The following ATP10B variants were observed in gnomAD, a reference collection of about 807,000 sequenced individuals.
The protein encoded by ATP10B is ATPase phospholipid transporting 10B (putative).
ATP10B carries 122 observed loss-of-function variants against 141.2 expected under a neutral mutation model. The observed-to-expected ratio is 0.86, with a 90% CI of 0.75 to 1.00. The LOEUF is 1.00. Among genes scored for constraint, ATP10B ranks in the 50% least tolerant of loss-of-function variants. The probability of loss-of-function intolerance (pLI) is 0.00; values close to 1 mark genes in which losing one functional copy is unlikely to be tolerated. For synonymous variants in ATP10B, 685 were observed against 692.0 expected, an observed-to-expected ratio of 0.99 and a Z score of 0.16; for missense variants, 1,876 against 1,825.3, an observed-to-expected ratio of 1.03 and a Z score of -0.51.
chr5:160,689,561 A>G (rs113067993), intron 3 of ATP10B, among the ~76,000 whole-genome samples: 331 of 152,270 alleles, frequency 2.2e-3, no homozygotes, highest in Non-Finnish European at 3.9e-3. Flanking sequence ...CAAAAATCAC[A>G]AGCATTCCTA....
At chr5:160,815,393 G>T (rs1434587722) in intron 1 of ATP10B, among the ~76,000 whole-genome samples, 1 of 152,172 alleles carries the variant, frequency 6.6e-6, no homozygotes, top group Non-Finnish European at 1.5e-5. Flanking sequence ...AGAAAAAGAA[G>T]CCCATTACAT....
the ATP10B span, among the ~76,000 whole-genome samples, chr5:160,892,229 G>T: frequency 6.6e-6 from 1 of 152,140 alleles, no homozygotes; most frequent in South Asian, 2.1e-4. Context: ...GGATTCACGT[G>T]ATCTGGCTCC....
At chr5:160,605,306 T>C (rs1757318797) in intron 19 of ATP10B, among the ~76,000 whole-genome samples, 1 of 152,250 alleles carries the variant, frequency 6.6e-6, no homozygotes, top group African/African-American at 2.4e-5. Context: ...AGTTTTGCCA[T>C]AAGTAGCCTT....
chr5:160,692,073 A>G (rs569171771), intron 3 of ATP10B, among the ~76,000 whole-genome samples: 1 of 152,334 alleles, frequency 6.6e-6, no homozygotes, highest in African/African-American at 2.4e-5. Context: ...ATTAGGTGGT[A>G]AGATCTTCTT....
intron 13 of ATP10B, among the ~76,000 whole-genome samples, chr5:160,631,565 T>C (rs1379380560): frequency 6.6e-6 from 1 of 152,268 alleles, no homozygotes; most frequent in Admixed American, 6.5e-5. Flanking sequence ...AAACTTATTT[T>C]TGATCACCAA....
the ATP10B span, among the ~76,000 whole-genome samples, chr5:160,926,523 G>A: frequency 6.6e-6 from 1 of 152,206 alleles, no homozygotes; most frequent in South Asian, 2.1e-4. Context: ...GCCAACCTGA[G>A]GATCAGATAT....
chr5:160,765,349 C>T (rs1292075223), intron 2 of ATP10B, among the ~76,000 whole-genome samples: 1 of 152,110 alleles, frequency 6.6e-6, no homozygotes, highest in Non-Finnish European at 1.5e-5. Flanking sequence ...GTTACCAAAA[C>T]AGCATGGTAC....
At chr5:160,786,414 G>A (rs1771147913) in intron 1 of ATP10B, among the ~76,000 whole-genome samples, 1 of 152,070 alleles carries the variant, frequency 6.6e-6, no homozygotes, top group East Asian at 1.9e-4. Flanking sequence ...TTAAGCCATT[G>A]GGTTTTCTGT....
intron 2 of ATP10B, among the ~76,000 whole-genome samples, chr5:160,762,207 G>A (rs980651285): frequency 2.0e-5 from 3 of 152,174 alleles, no homozygotes; most frequent in African/African-American, 4.8e-5. Flanking sequence ...AATACAAGAA[G>A]CTCAATGAAC....
chr5:160,742,337 G>C (rs1381599166), intron 2 of ATP10B, among the ~76,000 whole-genome samples: 1 of 151,882 alleles, frequency 6.6e-6, no homozygotes, highest in Non-Finnish European at 1.5e-5. Context: ...CTTCACTGCT[G>C]GTTGTCTGCA....
At position 160,591,063 on chromosome 5, in the gene ATP10B, T is replaced by C. The variant is rs1197198817; in HGVS notation, c.3641A>G (p.Tyr1214Cys). 1 of 1,613,308 alleles carries C rather than the reference T, an allele frequency of 6.2e-7. No homozygotes were observed. Among genetic ancestry groups the C allele is most frequent in the African/African-American group, 1.3e-5 (1 of 74,876 alleles). The part of the protein sequence containing the change: ...YQSLICFFIP[Y>C]LAYKGSDIDV... ...GAATGGGACTACATGACTTACCAGG[T>C]AAGGGATAAAGAAACAGATGAGGCT... Residue 1214 changes from tyrosine to cysteine, a missense_variant, in exon 23 of 26, where the codon TAC (tyrosine) becomes TGC (cysteine). Physicochemically the swap from Tyr to Cys is radical, Grantham distance 194. Transcript: ENST00000327245.
intron 1 of ATP10B, among the ~76,000 whole-genome samples, chr5:160,809,613 G>A (rs1054253638): frequency 3.9e-5 from 6 of 151,974 alleles, no homozygotes; most frequent in African/African-American, 9.7e-5. Flanking sequence ...GTCATCTTAC[G>A]GTGCTATAGA....
intron 1 of ATP10B, among the ~76,000 whole-genome samples, chr5:160,786,761 C>T (rs1771180753): frequency 6.6e-6 from 1 of 152,082 alleles, no homozygotes; most frequent in Admixed American, 6.6e-5. Context: ...TGCATATGCA[C>T]ACACACATAC....
intron 3 of ATP10B, among the ~76,000 whole-genome samples, chr5:160,709,020 C>G (rs373920346): frequency 6.6e-6 from 1 of 152,162 alleles, no homozygotes; most frequent in African/African-American, 2.4e-5. Context: ...CAAATCAGTA[C>G]AGACAGACAG....
At position 160,605,172 on chromosome 5, in the gene ATP10B, A is replaced by G. The variant is rs905452148; in HGVS notation, c.3161-1131T>C. On this transcript the variant is annotated intron_variant, in intron 19 of 25. Coordinates refer to ENST00000327245, the MANE Select transcript of ATP10B (RefSeq NM_025153.3). ...GCCTTCATTCTTTTCCTGGCCCTAC[A>G]TGTTTTCTAGCAGTTTCTCAGAATA... Among the ~76,000 whole-genome samples the G allele has an allele frequency of 3.9e-5, 6 of 152,292 alleles. No individual in the cohort carries two copies. The South Asian group carries it at 6.2e-4, about 16-fold the overall frequency.
intron 1 of ATP10B, among the ~76,000 whole-genome samples, chr5:160,843,389 A>G (rs982084975): frequency 2.0e-5 from 3 of 152,110 alleles, no homozygotes; most frequent in African/African-American, 7.2e-5. Context: ...ACTAATTGCC[A>G]GCTTTCCAAA....
intron 2 of ATP10B, among the ~76,000 whole-genome samples, chr5:160,769,898 G>T (rs1344363417): frequency 1.3e-5 from 2 of 152,156 alleles, no homozygotes; most frequent in African/African-American, 2.4e-5. Context: ...AAGTCGTACA[G>T]TTCATGATTT....
chr5:160,855,479 TTG>T (rs943602363), upstream of ATP10B, among the ~76,000 whole-genome samples: 1 of 151,666 alleles, frequency 6.6e-6, no homozygotes, highest in African/African-American at 2.4e-5. Flanking sequence ...TAATTTTTGT[TTG>T]TTTTTTTTTT....
intron 2 of ATP10B, among the ~76,000 whole-genome samples, chr5:160,757,864 T>A (rs1198958177): frequency 6.6e-6 from 1 of 152,212 alleles, no homozygotes; most frequent in Non-Finnish European, 1.5e-5. Context: ...CAGGGAACTG[T>A]CCTGTGCATT....
Sources: gnomAD v4.1 joint callset for allele counts (sites outside exome capture counted in the v4.1 genomes callset) on GRCh38, gnomAD v4.1.1 for gene constraint, MANE v1.5 for transcripts, NCBI Gene and HGNC (gene_info 2026-07-23, HGNC 2026-07-21) for gene names.